Variants in ZNF148 observed in about 807,000 individuals in gnomAD.
ZNF148 encodes zinc finger protein 148, also known as Beta-Enolase Repressor Factor-1.
ZNF148 carries 7 observed loss-of-function variants against 67.7 expected under a neutral mutation model. That is an observed-to-expected ratio of 0.10 (90% CI 0.06 to 0.19). The LOEUF is 0.19. Among genes scored for constraint, ZNF148 ranks in the 10% least tolerant of loss-of-function variants. The probability of loss-of-function intolerance (pLI) is 1.00; values close to 1 mark genes in which losing one functional copy is unlikely to be tolerated. For synonymous variants in ZNF148, 333 were observed against 330.7 expected, an observed-to-expected ratio of 1.01 and a Z score of -0.08; for missense variants, 583 against 947.1, an observed-to-expected ratio of 0.62 and a Z score of 5.05.
intron 3 of ZNF148, among the ~76,000 whole-genome samples, chr3:125,319,170 A>G (rs1259640510): frequency 6.6e-6 from 1 of 152,360 alleles, no homozygotes; most frequent in East Asian, 1.9e-4. Flanking sequence ...CCTGTCTACC[A>G]GAAGAAATAG....
At position 125,232,787 on chromosome 3, in the gene ZNF148, C is replaced by T; in HGVS notation, c.1939G>A (p.Asp647Asn). 6.2e-7 allele frequency: 1 copy of T among 1,613,838 alleles called. No individual in the cohort carries two copies. The highest frequency in any genetic ancestry group is 1.1e-5 in the South Asian group (1 of 91,082). Residue 647 changes from aspartate to asparagine, a missense_variant, in exon 9 of 9, where the codon GAC (aspartate) becomes AAC (asparagine). Asp to Asn is a conservative substitution (Grantham distance 23). Coordinates refer to ENST00000360647, the MANE Select transcript of ZNF148 (RefSeq NM_021964.3). The surrounding 1 kb of genome is among the most constrained non-coding windows in gnomAD (Gnocchi z 4.2). ...GGCATGGTGGCATAGACCTGCTTGT[C>T]TATGGAAGAGAATGCTGGCTGATTT... ...LPNQPAFSSI[D>N]KQVYATMPIN...
chr3:125,301,502 T>C (rs1004733152), intron 4 of ZNF148, among the ~76,000 whole-genome samples: 1 of 152,238 alleles, frequency 6.6e-6, no homozygotes, highest in Non-Finnish European at 1.5e-5. Flanking sequence ...CGAGTTTACA[T>C]AGGCTACAGA....
At chr3:125,247,137 G>A (rs766758527) in intron 7 of ZNF148, among the ~76,000 whole-genome samples, 1 of 151,994 alleles carries the variant, frequency 6.6e-6, no homozygotes. Flanking sequence ...AATTTTTCTG[G>A]GTATCAAACT....
intron 4 of ZNF148, among the ~76,000 whole-genome samples, chr3:125,295,953 T>C (rs1939259712): frequency 6.6e-6 from 1 of 152,136 alleles, no homozygotes; most frequent in Admixed American, 6.5e-5. Flanking sequence ...AATAGGTGTG[T>C]AACTGCTTGG....
chr3:125,344,489 A>T (rs963170625), intron 1 of ZNF148: 2 of 1,152,996 alleles, frequency 1.7e-6, no homozygotes, highest in Non-Finnish European at 2.6e-6. Context: ...CACCAAAAAA[A>T]TTCCCTGAAG....
At chr3:125,340,518 C>A (rs564117907) in intron 1 of ZNF148, among the ~76,000 whole-genome samples, 68 of 152,322 alleles carry the variant, frequency 4.5e-4, no homozygotes, top group African/African-American at 1.6e-3. Flanking sequence ...CCTCTCCCAT[C>A]TGTAGACAAT....
At chr3:125,240,123 T>C (rs1936281908) in intron 7 of ZNF148, among the ~76,000 whole-genome samples, 1 of 152,226 alleles carries the variant, frequency 6.6e-6, no homozygotes, top group Non-Finnish European at 1.5e-5. Context: ...TAAATATGCA[T>C]GGTAATACAA....
intron 1 of ZNF148, among the ~76,000 whole-genome samples, chr3:125,372,453 C>T (rs146964346): frequency 1.2e-3 from 188 of 152,262 alleles, no homozygotes; most frequent in African/African-American, 4.0e-3. Context: ...GGGATAATGT[C>T]AATGACACAT....
chr3:125,337,077 G>A (rs1198037665), intron 1 of ZNF148, among the ~76,000 whole-genome samples: 2 of 150,228 alleles, frequency 1.3e-5, no homozygotes, highest in East Asian at 1.9e-4. Flanking sequence ...TGTGGTTACT[G>A]CACTTAGCTG....
In ZNF148 at chr3:125,227,458, C is replaced by T. The variant is rs1935687174; in HGVS notation, c.*4883G>A. On this transcript the variant is annotated 3_prime_UTR_variant, in exon 9 of 9. Coordinates refer to ENST00000360647, the MANE Select transcript of ZNF148 (RefSeq NM_021964.3). Reference sequence around the variant, plus strand: ...TGCTCCACCATCAGGATTTCCATCACACACATTTAATTTCTTCTGTACAAT... The same window carrying T: ...TGCTCCACCATCAGGATTTCCATCATACACATTTAATTTCTTCTGTACAAT... The T allele has an allele frequency of 2.6e-5, 4 of 152,576 alleles. No homozygotes were observed. The South Asian group carries it at 8.3e-4, about 32-fold the overall frequency. The allele number at this position is 152,576 out of a possible 1,614,324, so 9.5% of individuals were successfully genotyped here.
chr3:125,311,573 C>A (rs1024278366), intron 4 of ZNF148, among the ~76,000 whole-genome samples: 23 of 152,090 alleles, frequency 1.5e-4, no homozygotes, highest in African/African-American at 5.6e-4. Flanking sequence ...TGATATAAGA[C>A]AGTGTCTTTT....
chr3:125,343,017 T>C (rs1941795410), intron 1 of ZNF148, among the ~76,000 whole-genome samples: 1 of 152,218 alleles, frequency 6.6e-6, no homozygotes, highest in South Asian at 2.1e-4. Context: ...TCTAGTAATC[T>C]GCAAGGAGAC....
intron 2 of ZNF148, among the ~76,000 whole-genome samples, chr3:125,325,753 T>G (rs1940991994): frequency 6.6e-6 from 1 of 152,128 alleles, no homozygotes; most frequent in Non-Finnish European, 1.5e-5. Flanking sequence ...GGATTATAGG[T>G]ATGAGCCACC....
chr3:125,252,723 G>A (rs983317882), intron 7 of ZNF148, among the ~76,000 whole-genome samples: 4 of 147,038 alleles, frequency 2.7e-5, no homozygotes, highest in African/African-American at 1.0e-4. Context: ...AGCCGAGATT[G>A]TGCCCCTGCA....
At chr3:125,277,870 G>A (rs1036181623) in intron 6 of ZNF148, 61 bp from the exon 7 acceptor site, 78 of 1,366,956 alleles carry the variant, frequency 5.7e-5, no homozygotes, top group Non-Finnish European at 7.2e-5. Flanking sequence ...TTTAGTTACT[G>A]TTTCTGAGGA....
Position 125,232,149 on chromosome 3 carries a change from T to C in ZNF148, c.*192A>G, listed in dbSNP as rs947169380. The C allele has an allele frequency of 1.3e-5, 8 of 618,672 alleles. No homozygotes were observed. Among genetic ancestry groups the C allele is most frequent in the Non-Finnish European group, 2.1e-5 (8 of 382,064 alleles). The allele number at this position is 618,672 out of a possible 1,614,324, so 38.3% of individuals were successfully genotyped here. On this transcript the variant is annotated 3_prime_UTR_variant, in exon 9 of 9. Transcript: ENST00000360647. This position sits in a 1 kb window ranked among gnomAD's most constrained non-coding sequence, Gnocchi z 4.2. Reference sequence around the variant, plus strand: ...CATTGCTTCTATAAAGGTGACAACATGTAAGGCAGTTCAAAGAATGCTGAC... The same window carrying C: ...CATTGCTTCTATAAAGGTGACAACACGTAAGGCAGTTCAAAGAATGCTGAC...
rs1436440086 is a variant in ZNF148, at chr3:125,311,701, TAAGAC to T, written c.333+1602_333+1606del. ...CAGTAATTTTTTTAAATTACTGTCT[TAAGAC>T]AAGAAAAAAAGAAAAAAAGAGAAAA... is the stretch of plus-strand genomic sequence containing the variant. On this transcript the variant is annotated intron_variant, in intron 4 of 8. Coordinates refer to ENST00000360647, the MANE Select transcript of ZNF148 (RefSeq NM_021964.3). 9.2e-5 allele frequency among the ~76,000 whole-genome samples: 14 copies of T among 151,942 alleles called. No individual in the cohort carries two copies. The East Asian group carries it at 9.7e-4, about 10-fold the overall frequency.
chr3:125,285,564 A>C (rs76082513), intron 5 of ZNF148, among the ~76,000 whole-genome samples: 3 of 151,860 alleles, frequency 2.0e-5, no homozygotes, highest in Admixed American at 6.6e-5. Context: ...TAAAAAAAAA[A>C]AAAAACAAAA....
chr3:125,317,871 G>A (rs1320902676), intron 3 of ZNF148, among the ~76,000 whole-genome samples: 1 of 151,570 alleles, frequency 6.6e-6, no homozygotes, highest in Middle Eastern at 3.2e-3. Context: ...CAGGGTATGA[G>A]TAACAGAATT....
Sources: allele counts gnomAD v4.1 joint callset (sites outside exome capture counted in the v4.1 genomes callset), GRCh38; gene constraint gnomAD v4.1.1; non-coding constraint Gnocchi (gnomAD v3.1); transcripts MANE v1.5; gene names NCBI Gene and HGNC (gene_info 2026-07-23, HGNC 2026-07-21).